Variants in SLIT3 observed in about 807,000 individuals in gnomAD.
SLIT3 encodes the protein slit guidance ligand 3.
In SLIT3, 68 loss-of-function variants were observed where a neutral mutation model predicts 184.0. The ratio of observed to expected loss-of-function variants is 0.37; its 90% CI spans 0.30 to 0.45. The LOEUF (loss-of-function observed/expected upper bound fraction) is 0.45. Ranked by LOEUF, SLIT3 falls within the 20% of genes least tolerant of loss-of-function variation. The pLI, the probability that SLIT3 is intolerant of heterozygous loss-of-function variation, is 1.00. For synonymous variants in SLIT3, 831 were observed against 828.6 expected (o/e 1.00, Z -0.05); for missense variants, 1,707 against 2,026.0 (o/e 0.84, Z 3.02).
chr5:168,972,070 G>A (rs539090179), intron 4 of SLIT3, among the ~76,000 whole-genome samples: 1 of 152,218 alleles, frequency 6.6e-6, no homozygotes, highest in Non-Finnish European at 1.5e-5. Context: ...TGCGAGGAAG[G>A]TCCCTCTGGG....
chr5:168,736,332 G>A (rs1273873644), intron 20 of SLIT3, among the ~76,000 whole-genome samples: 2 of 152,134 alleles, frequency 1.3e-5, no homozygotes, highest in Admixed American at 1.3e-4. Context: ...GTCTTCTCTG[G>A]GCCAGAGCCT....
At chr5:169,275,590 A>T (rs1204763101) in intron 1 of SLIT3, among the ~76,000 whole-genome samples, 1 of 152,236 alleles carries the variant, frequency 6.6e-6, no homozygotes, top group Non-Finnish European at 1.5e-5. Flanking sequence ...GGGCAGTCTC[A>T]TAATCATGGT....
chr5:169,090,296 T>C (rs1342462516), intron 4 of SLIT3, among the ~76,000 whole-genome samples: 1 of 152,104 alleles, frequency 6.6e-6, no homozygotes, highest in Admixed American at 6.5e-5. Context: ...ATAATGATAC[T>C]CTGCTTCTCC....
chr5:169,268,402 A>G (rs569167626), intron 1 of SLIT3, among the ~76,000 whole-genome samples: 2 of 152,328 alleles, frequency 1.3e-5, no homozygotes, highest in South Asian at 4.1e-4. Flanking sequence ...TAAGACTCCC[A>G]GTCATTTTCC....
At chr5:169,094,704 G>A (rs958279086) in intron 4 of SLIT3, among the ~76,000 whole-genome samples, 4 of 152,228 alleles carry the variant, frequency 2.6e-5, no homozygotes, top group African/African-American at 9.6e-5. Context: ...GGGCAGAATA[G>A]AGTGCTGACA....
chr5:168,863,734 T>C (rs1045668850), intron 5 of SLIT3, among the ~76,000 whole-genome samples: 15 of 152,256 alleles, frequency 9.9e-5, no homozygotes, highest in African/African-American at 3.6e-4. Flanking sequence ...TCAGGTGGAT[T>C]TAACTCATAA....
rs772271273 is a variant in SLIT3, at chr5:168,975,371, T to G, written c.414-92035A>C. Among the ~76,000 whole-genome samples, 3 of 152,118 alleles carry G rather than the reference T, an allele frequency of 2.0e-5. No homozygotes were observed. The East Asian group carries it at 5.8e-4, about 29-fold the overall frequency. ...TCAGTGCATACATCATCAGGGCCAGTCTCACGTATGCTGTCCTGTTCTGGA... is the reference window on the plus strand; with the variant it reads ...TCAGTGCATACATCATCAGGGCCAGGCTCACGTATGCTGTCCTGTTCTGGA... On this transcript the variant is annotated intron_variant, in intron 4 of 35. Coordinates refer to ENST00000519560, the MANE Select transcript of SLIT3 (RefSeq NM_003062.4).
At chr5:168,990,757 G>A (rs146399801) in intron 4 of SLIT3, among the ~76,000 whole-genome samples, 1 of 152,186 alleles carries the variant, frequency 6.6e-6, no homozygotes, top group Non-Finnish European at 1.5e-5. Flanking sequence ...TCTTGGGTGG[G>A]TTAGTAATGT....
At chr5:169,140,238 G>A (rs1182602135) in intron 4 of SLIT3, among the ~76,000 whole-genome samples, 7 of 145,490 alleles carry the variant, frequency 4.8e-5, no homozygotes, top group African/African-American at 1.8e-4. Context: ...ACCAAAGTGG[G>A]CAGATCACGA....
intron 4 of SLIT3, among the ~76,000 whole-genome samples, chr5:169,014,243 G>A (rs1756278914): frequency 6.6e-6 from 1 of 152,080 alleles, no homozygotes; most frequent in Non-Finnish European, 1.5e-5. Flanking sequence ...AATTTTATCT[G>A]GTAGTATCAC....
At chr5:169,249,015 T>C (rs1044660421) in intron 2 of SLIT3, among the ~76,000 whole-genome samples, 9 of 152,190 alleles carry the variant, frequency 5.9e-5, no homozygotes, top group East Asian at 1.9e-4. Context: ...GAATCTTTTC[T>C]AGCTTCTCTA....
chr5:168,753,187 T>C (rs1754777880), intron 17 of SLIT3, 89 bp from the exon 18 acceptor site: 1 of 1,413,390 alleles, frequency 7.1e-7, no homozygotes, highest in South Asian at 1.3e-5. Context: ...TGTGTATAGG[T>C]GAGATGCTTT....
intron 11 of SLIT3, among the ~76,000 whole-genome samples, chr5:168,788,491 T>C (rs907294616): frequency 1.1e-4 from 16 of 152,138 alleles, no homozygotes; most frequent in Admixed American, 3.3e-4. Context: ...AGAGTGTGGG[T>C]TCTGGAGCCA....
At chr5:168,950,555 C>T (rs1762617779) in intron 4 of SLIT3, among the ~76,000 whole-genome samples, 1 of 152,218 alleles carries the variant, frequency 6.6e-6, no homozygotes, top group Admixed American at 6.5e-5. Context: ...ATTGATAGTA[C>T]CAAATGAATG....
intron 5 of SLIT3, among the ~76,000 whole-genome samples, chr5:168,862,829 C>A (rs1759159796): frequency 6.6e-6 from 1 of 152,186 alleles, no homozygotes; most frequent in Non-Finnish European, 1.5e-5. Flanking sequence ...CACCCACCAC[C>A]ATGCCTGGCT....
At chr5:169,057,904 T>A (rs77809775) in intron 4 of SLIT3, among the ~76,000 whole-genome samples, 15,713 of 152,294 alleles carry the variant, frequency 0.1, 1,112 homozygotes, top group Non-Finnish European at 0.16. Flanking sequence ...CTTTCTTTTA[T>A]GGGGAAGGTG....
chr5:169,068,678 C>T (rs763199244), intron 4 of SLIT3, among the ~76,000 whole-genome samples: 36 of 152,074 alleles, frequency 2.4e-4, no homozygotes, highest in Non-Finnish European at 4.1e-4. Flanking sequence ...GCATGTAGGC[C>T]AACCCCCAGC....
At chr5:168,783,712 A>T (rs1165340670) in intron 12 of SLIT3, among the ~76,000 whole-genome samples, 2 of 152,198 alleles carry the variant, frequency 1.3e-5, no homozygotes, top group Non-Finnish European at 2.9e-5. Flanking sequence ...TCCAATCTAC[A>T]GCAGGCTGAA....
chr5:169,038,434 A>G (rs185972928), intron 4 of SLIT3, among the ~76,000 whole-genome samples: 1 of 152,366 alleles, frequency 6.6e-6, no homozygotes, highest in Admixed American at 6.5e-5. Context: ...TATACTTTAT[A>G]CCATAACATA....
Sources: gnomAD v4.1 joint callset for allele counts (sites outside exome capture counted in the v4.1 genomes callset) on GRCh38, gnomAD v4.1.1 for gene constraint, MANE v1.5 for transcripts, NCBI Gene and HGNC (gene_info 2026-07-23, HGNC 2026-07-21) for gene names.